The following MEIOSIN variants were observed in gnomAD, a reference collection of about 807,000 sequenced individuals.
MEIOSIN encodes the protein meiosis initiator protein.
In MEIOSIN, 18 loss-of-function variants were observed where a neutral mutation model predicts 23.4. That is an observed-to-expected ratio of 0.77 (90% confidence interval 0.53 to 1.14). The LOEUF is 1.14. Ranked by LOEUF, MEIOSIN falls within the 50% of genes most tolerant of loss-of-function variation. MEIOSIN has a pLI of 0.00. For synonymous variants in MEIOSIN, 187 were observed against 100.6 expected, an observed-to-expected ratio of 1.86 and a Z score of -5.14; for missense variants, 428 against 242.9, an observed-to-expected ratio of 1.76 and a Z score of -5.07.
chr19:45,762,454 G>C (rs991844885), intron 13 of MEIOSIN, among the ~76,000 whole-genome samples: 1 of 152,164 alleles, frequency 6.6e-6, no homozygotes. Flanking sequence ...TTGAGACAGA[G>C]TCTCACTCTA....
At chr19:45,752,321 T>C (rs1968728717) in intron 5 of MEIOSIN, among the ~76,000 whole-genome samples, 1 of 151,962 alleles carries the variant, frequency 6.6e-6, no homozygotes, top group Non-Finnish European at 1.5e-5. Context: ...GTTCAAGCCA[T>C]TCTCCTGCCT....
At chr19:45,738,576 G>T (rs1443344597) in intron 2 of MEIOSIN, among the ~76,000 whole-genome samples, 2 of 152,216 alleles carry the variant, frequency 1.3e-5, no homozygotes. Flanking sequence ...CCAAGATCGC[G>T]CCGCTGCGCT....
chr19:45,739,939 T>C (rs1356064791), intron 3 of MEIOSIN, among the ~76,000 whole-genome samples: 1 of 151,848 alleles, frequency 6.6e-6, no homozygotes, highest in Non-Finnish European at 1.5e-5. Context: ...CCTCTGCCTC[T>C]AGGGTTTAAG....
chr19:45,750,230 T>C (rs969949232), intron 4 of MEIOSIN, among the ~76,000 whole-genome samples: 25 of 146,210 alleles, frequency 1.7e-4, no homozygotes, highest in African/African-American at 5.5e-4. Context: ...CAGGCTGGAG[T>C]GCAGTGGCAT....
At chr19:45,756,196 A>T in intron 8 of MEIOSIN, 118 bp downstream of exon 8, 1 of 618,658 alleles carries the variant, frequency 1.6e-6, no homozygotes, top group Non-Finnish European at 2.9e-6. Flanking sequence ...TTGAGCACCA[A>T]TGGAGGCCCA....
At position 45,733,677 on chromosome 19, in the gene MEIOSIN, GAGGCCA is replaced by G. The variant is rs1212185205; in HGVS notation, c.-1+15_-1+20del. 1.3e-5 allele frequency: 2 copies of G among 152,308 alleles called. No individual in the cohort carries two copies. The highest frequency in any genetic ancestry group is 2.9e-5 in the Non-Finnish European group (2 of 68,092). 9.4% of individuals were successfully genotyped at this position (152,308 alleles called of 1,614,324 possible). A position where few individuals can be genotyped will look rare whatever the true frequency, so the allele number is the denominator to read the frequency against. ...TTTGCACGCCCTGAGGCGGGTGCTG[GAGGCCA>G]AGGGGAATGGGGCGCGGGGCAGGGG... On this transcript the variant is annotated intron_variant, in intron 1 of 14. Transcript: ENST00000457052. This position sits in a 1 kb window ranked among gnomAD's most constrained non-coding sequence, Gnocchi z 5.7.
chr19:45,736,041 AGTTT>A (rs1307502516), intron 2 of MEIOSIN, among the ~76,000 whole-genome samples: 2 of 151,316 alleles, frequency 1.3e-5, no homozygotes, highest in East Asian at 1.9e-4. Context: ...TGACATTCTG[AGTTT>A]GTTTGTTTTC....
At chr19:45,760,860 G>A (rs186848846) in intron 11 of MEIOSIN, among the ~76,000 whole-genome samples, 31 of 151,476 alleles carry the variant, frequency 2.0e-4, no homozygotes, top group Admixed American at 1.6e-3. Flanking sequence ...CCCAAGAGGT[G>A]GAGAATGGAG....
At chr19:45,740,993 G>A (rs1011139212) in intron 3 of MEIOSIN, among the ~76,000 whole-genome samples, 5 of 151,958 alleles carry the variant, frequency 3.3e-5, no homozygotes, top group Non-Finnish European at 5.9e-5. Flanking sequence ...GATATAACCA[G>A]CGCAGCATTA....
In MEIOSIN at chr19:45,742,683, G is replaced by A. The variant is rs140926210; in HGVS notation, c.177-2509G>A. On this transcript the variant is annotated intron_variant, in intron 3 of 14. Coordinates refer to ENST00000457052, the MANE Select transcript of MEIOSIN (RefSeq NM_001310124.2). ...AGTCCCAGCTACTTGGGAGACTGAG[G>A]CAGGAGAACGTGAGGGTGAGGCTGA... Among the ~76,000 whole-genome samples the A allele has an allele frequency of 2.9e-3, 437 of 152,132 alleles. 4 individuals carry two copies. The highest frequency in any genetic ancestry group is 9.7e-3 in the African/African-American group (401 of 41,502).
In MEIOSIN at chr19:45,757,225, C is replaced by T. The variant is rs1182096611; in HGVS notation, c.960C>T (p.Ser320=). ...CCAGCGAGGATGTGGACAAAGGGTC[C>T]CTAGACGCTGACCCTTGGCTCCCTG... The part of the protein sequence containing the change: ...YDSSEDVDKG[S]LDADPWLPAW... Residue 320 remains serine, a synonymous_variant, in exon 9 of 15, where the codon TCC becomes TCT. Coordinates refer to ENST00000457052, the MANE Select transcript of MEIOSIN (RefSeq NM_001310124.2). 1 of 702,858 alleles carries T rather than the reference C, an allele frequency of 1.4e-6. No individual in the cohort carries two copies. Among genetic ancestry groups the T allele is most frequent in the Non-Finnish European group, 2.6e-6 (1 of 384,986 alleles). 43.5% of individuals were successfully genotyped at this position (702,858 alleles called of 1,614,324 possible).
chr19:45,754,409 C>G, intron 6 of MEIOSIN, 70 bp from the exon 7 acceptor site: 1 of 651,048 alleles, frequency 1.5e-6, no homozygotes, highest in South Asian at 1.7e-5. Flanking sequence ...TGTTTCCCAC[C>G]TGAACCCTAT....
intron 9 of MEIOSIN, among the ~76,000 whole-genome samples, chr19:45,757,840 G>GT (rs1013013356): frequency 4.0e-5 from 6 of 151,622 alleles, no homozygotes; most frequent in Non-Finnish European, 7.4e-5. Context: ...TTTTTGTTTT[G>GT]TTTTTTCTTT....
intron 3 of MEIOSIN, among the ~76,000 whole-genome samples, chr19:45,743,487 G>A (rs886310784): frequency 4.6e-5 from 7 of 152,002 alleles, no homozygotes; most frequent in Admixed American, 3.9e-4. Flanking sequence ...CAAAGTTATC[G>A]TTTCTACCAG....
chr19:45,762,510 G>A (rs769521713), intron 13 of MEIOSIN, among the ~76,000 whole-genome samples: 5 of 152,170 alleles, frequency 3.3e-5, no homozygotes, highest in Non-Finnish European at 7.3e-5. Flanking sequence ...TCACTGCAAT[G>A]TCTGCCTCCC....
intron 5 of MEIOSIN, 138 bp downstream of exon 5, chr19:45,750,924 G>C (rs1290464602): frequency 1.5e-5 from 6 of 390,840 alleles, no homozygotes; most frequent in Non-Finnish European, 2.7e-5. Flanking sequence ...TCAGAGAAGA[G>C]GGGCCTTGGA....
rs112189945 is a variant in MEIOSIN at position 45,754,461 on chromosome 19, GA to G, written c.557-16del. On this transcript the variant is annotated splice_polypyrimidine_tract_variant and intron_variant, in intron 6 of 14. Coordinates refer to ENST00000457052, the MANE Select transcript of MEIOSIN (RefSeq NM_001310124.2). ...TGACTCCCAGGCCCCTCTGACACCT[GA>G]ACCTCTGCTCCCCCAGAAAGCCAGA... is the stretch of plus-strand genomic sequence containing the variant. The G allele has an allele frequency of 7.3e-5, 51 of 697,986 alleles. No individual in the cohort carries two copies. The highest frequency in any genetic ancestry group is 6.8e-4 in the African/African-American group (39 of 57,224). 43.2% of individuals were successfully genotyped at this position (697,986 alleles called of 1,614,324 possible). A position where few individuals can be genotyped will look rare whatever the true frequency, so the allele number is the denominator to read the frequency against.
chr19:45,736,455 C>T (rs1465668672), intron 2 of MEIOSIN, among the ~76,000 whole-genome samples: 1 of 151,890 alleles, frequency 6.6e-6, no homozygotes, highest in African/African-American at 2.4e-5. Flanking sequence ...CTCTGCCTCC[C>T]AGGCTCAAGC....
intron 4 of MEIOSIN, among the ~76,000 whole-genome samples, chr19:45,745,736 G>GT (rs1356003327): frequency 1.3e-5 from 2 of 152,042 alleles, no homozygotes; most frequent in South Asian, 2.1e-4. Context: ...CCGGCTAATA[G>GT]TTTTTTTGTA....
Sources: gnomAD v4.1 joint callset for allele counts (sites outside exome capture counted in the v4.1 genomes callset) on GRCh38, gnomAD v4.1.1 for gene constraint, Gnocchi (gnomAD v3.1) non-coding constraint, MANE v1.5 for transcripts, NCBI Gene and HGNC (gene_info 2026-07-23, HGNC 2026-07-21) for gene names.